The following KLRF1 variants were observed in gnomAD, a reference collection of about 807,000 sequenced individuals.
KLRF1 encodes killer cell lectin-like receptor subfamily F member 1.
In KLRF1, 27 loss-of-function variants were observed where a neutral mutation model predicts 30.7. The observed-to-expected ratio is 0.88, with a 90% CI of 0.65 to 1.21. The LOEUF (loss-of-function observed/expected upper bound fraction) is 1.21, where lower values mean the gene tolerates loss of function less well. Among genes scored for constraint, KLRF1 ranks in the 50% most tolerant of loss-of-function variants. The probability of loss-of-function intolerance (pLI) is 0.00; values close to 1 mark genes in which losing one functional copy is unlikely to be tolerated. For synonymous variants in KLRF1, 92 were observed against 89.3 expected (o/e 1.03, Z -0.17); for missense variants, 246 against 259.3 (o/e 0.95, Z 0.35).
the KLRF1 span, among the ~76,000 whole-genome samples, chr12:9,811,055 A>T: frequency 6.6e-6 from 1 of 152,118 alleles, no homozygotes; most frequent in Non-Finnish European, 1.5e-5. Flanking sequence ...TGTGGGCCGG[A>T]TGAAGATCTC....
chr12:9,828,021 A>G (rs1224300476), intron 1 of KLRF1, among the ~76,000 whole-genome samples: 1 of 152,194 alleles, frequency 6.6e-6, no homozygotes, highest in East Asian at 1.9e-4. Flanking sequence ...AATAATTTCA[A>G]ATTAGTGAAT....
chr12:9,824,593 T>C (rs1399165814), upstream of KLRF1, among the ~76,000 whole-genome samples: 3 of 152,112 alleles, frequency 2.0e-5, no homozygotes, highest in Non-Finnish European at 4.4e-5. Context: ...CTATTCAACA[T>C]AGTATTGGAA....
chr12:9,813,468 C>T, the KLRF1 span, among the ~76,000 whole-genome samples: 1 of 152,012 alleles, frequency 6.6e-6, no homozygotes, highest in Admixed American at 6.6e-5. Flanking sequence ...CCACGCCCAG[C>T]TGGAATTTTA....
chr12:9,830,077 T>C (rs1867376682), intron 1 of KLRF1, among the ~76,000 whole-genome samples: 1 of 152,184 alleles, frequency 6.6e-6, no homozygotes, highest in Non-Finnish European at 1.5e-5. Context: ...CAAATTAATG[T>C]TACTCAGTTT....
intron 2 of KLRF1, among the ~76,000 whole-genome samples, chr12:9,832,822 T>C (rs182795090): frequency 4.8e-4 from 73 of 152,288 alleles, no homozygotes; most frequent in East Asian, 3.1e-3. Context: ...CTTTTCCTTT[T>C]GTCCAGCAAA....
At chr12:9,817,973 T>A in the KLRF1 span, 15 of 209,778 alleles carry the variant, frequency 7.2e-5, 3 homozygotes, top group African/African-American at 3.0e-4. Context: ...ATCATACGAA[T>A]CTTCTGCTGG....
chr12:9,807,215 TG>T, the KLRF1 span, among the ~76,000 whole-genome samples: 1 of 152,114 alleles, frequency 6.6e-6, no homozygotes, highest in Non-Finnish European at 1.5e-5. Context: ...TTGCCTTTTT[TG>T]GTGCTGTTTA....
At chr12:9,835,141 A>G (rs990126897) in intron 3 of KLRF1, among the ~76,000 whole-genome samples, 3 of 152,102 alleles carry the variant, frequency 2.0e-5, no homozygotes, top group African/African-American at 4.8e-5. Flanking sequence ...GGGAACAGGG[A>G]GCTCTTCGGT....
the KLRF1 span, among the ~76,000 whole-genome samples, chr12:9,813,471 G>C: frequency 6.6e-6 from 1 of 151,916 alleles, no homozygotes; most frequent in Non-Finnish European, 1.5e-5. Context: ...CGCCCAGCTG[G>C]AATTTTAAAA....
At chr12:9,801,243 A>G in the KLRF1 span, among the ~76,000 whole-genome samples, 10,401 of 152,048 alleles carry the variant, frequency 0.068, 467 homozygotes, top group East Asian at 0.2. Flanking sequence ...TATCCAGTCT[A>G]TCATTGATGG....
the KLRF1 span, among the ~76,000 whole-genome samples, chr12:9,809,209 A>G: frequency 2.0e-5 from 3 of 152,192 alleles, no homozygotes; most frequent in Non-Finnish European, 2.9e-5. Context: ...ATGCAAGAGC[A>G]CTAGGGGAAA....
chr12:9,842,723 T>C (rs1290998015), intron 5 of KLRF1, among the ~76,000 whole-genome samples: 1 of 152,116 alleles, frequency 6.6e-6, no homozygotes, highest in Non-Finnish European at 1.5e-5. Flanking sequence ...TCTTTAGCCA[T>C]CTTCAGTAAT....
At chr12:9,803,870 T>C in the KLRF1 span, among the ~76,000 whole-genome samples, 3 of 152,104 alleles carry the variant, frequency 2.0e-5, no homozygotes, top group Admixed American at 1.3e-4. Flanking sequence ...AGTCAAGTAA[T>C]GTCAGTCCAA....
intron 3 of KLRF1, 32 bp from the exon 4 acceptor site, chr12:9,841,780 A>AATTTCATTTTC: frequency 6.4e-7 from 1 of 1,555,658 alleles, no homozygotes; most frequent in South Asian, 1.2e-5. Flanking sequence ...TATGTAATTT[A>AATTTCATTTTC]ATTTCATTTT....
chr12:9,813,129 A>AC, the KLRF1 span, among the ~76,000 whole-genome samples: 1 of 150,966 alleles, frequency 6.6e-6, no homozygotes. Flanking sequence ...ATGTCTTTTT[A>AC]TTTTTTTATT....
At chr12:9,837,933 A>AGCCTAGG (rs1451981285) in intron 3 of KLRF1, among the ~76,000 whole-genome samples, 1 of 152,094 alleles carries the variant, frequency 6.6e-6, no homozygotes, top group Admixed American at 6.6e-5. Context: ...GGCCAAACAA[A>AGCCTAGG]CCACCTACAG....
the KLRF1 span, among the ~76,000 whole-genome samples, chr12:9,804,613 G>A: frequency 6.6e-6 from 1 of 151,992 alleles, no homozygotes; most frequent in East Asian, 1.9e-4. Context: ...TGTATATGGT[G>A]TAGCAAGAGG....
At chr12:9,808,567 C>T in the KLRF1 span, among the ~76,000 whole-genome samples, 4 of 152,064 alleles carry the variant, frequency 2.6e-5, no homozygotes, top group Non-Finnish European at 5.9e-5. Flanking sequence ...AAAAAAGACC[C>T]GCATCCTCCC....
At chr12:9,804,960 A>T in the KLRF1 span, among the ~76,000 whole-genome samples, 5 of 151,912 alleles carry the variant, frequency 3.3e-5, no homozygotes, top group African/African-American at 1.2e-4. Context: ...CATTTCTGAG[A>T]TACATTCTAT....
Sources: gnomAD v4.1 joint callset for allele counts (sites outside exome capture counted in the v4.1 genomes callset) on GRCh38, gnomAD v4.1.1 for gene constraint, MANE v1.5 for transcripts, NCBI Gene and HGNC (gene_info 2026-07-23, HGNC 2026-07-21) for gene names.